The following DNAJC8 variants were observed in gnomAD, a reference collection of about 807,000 sequenced individuals.
The protein encoded by DNAJC8 is DnaJ heat shock protein family (Hsp40) member C8, also known as dnaJ homolog subfamily C member 8.
A neutral mutation model predicts 43.2 loss-of-function variants in DNAJC8; 24 were observed. The observed-to-expected ratio is 0.56, with a 90% CI of 0.40 to 0.78. DNAJC8 has a LOEUF of 0.78. Ranked by LOEUF, DNAJC8 falls within the 30% of genes least tolerant of loss-of-function variation. The pLI, the probability that DNAJC8 is intolerant of heterozygous loss-of-function variation, is 0.00. For synonymous variants in DNAJC8, 83 were observed against 98.0 expected (o/e 0.85, Z 0.90); for missense variants, 207 against 299.4 (o/e 0.69, Z 2.28).
chr1:28,212,324 G>C (rs1646820749), intron 3 of DNAJC8, among the ~76,000 whole-genome samples: 1 of 139,358 alleles, frequency 7.2e-6, no homozygotes, highest in Admixed American at 7.3e-5. Context: ...ATCCAGGCTG[G>C]AGTGCAATGG....
At chr1:28,211,710 G>A (rs920010312) in intron 3 of DNAJC8, among the ~76,000 whole-genome samples, 1 of 152,170 alleles carries the variant, frequency 6.6e-6, no homozygotes, top group East Asian at 1.9e-4. Context: ...GATGATCGTA[G>A]GGAATTAGCC....
chr1:28,212,117 C>T (rs1646814328), intron 3 of DNAJC8, among the ~76,000 whole-genome samples: 1 of 141,864 alleles, frequency 7.0e-6, no homozygotes, highest in Admixed American at 7.6e-5. Flanking sequence ...GATCGCAACA[C>T]TGTACTGCAA....
chr1:28,201,450 C>T, intron 8 of DNAJC8, 80 bp from the exon 9 acceptor site: 1 of 1,590,262 alleles, frequency 6.3e-7, no homozygotes, highest in South Asian at 1.1e-5. Flanking sequence ...TCCACTCACC[C>T]TCCTGTAGCC....
intron 1 of DNAJC8, 81 bp downstream of exon 1, chr1:28,232,840 G>A (rs1213131020): frequency 5.4e-6 from 8 of 1,482,826 alleles, no homozygotes; most frequent in Non-Finnish European, 7.4e-6. Context: ...GTCCAGGCCA[G>A]GCGGCCACTG....
intron 6 of DNAJC8, 129 bp downstream of exon 6, chr1:28,208,213 A>G: frequency 1.7e-6 from 1 of 584,232 alleles, no homozygotes; most frequent in Non-Finnish European, 2.7e-6. Flanking sequence ...TCTCAAAAAT[A>G]ATAAATAAAT....
intron 1 of DNAJC8, among the ~76,000 whole-genome samples, 195 bp downstream of exon 1, chr1:28,232,726 C>T (rs1006063190): frequency 6.6e-6 from 1 of 152,198 alleles, no homozygotes. Context: ...ACCATTCCCT[C>T]TTTCGTTGCC....
chr1:28,208,486 A>G, intron 5 of DNAJC8, 73 bp from the exon 6 acceptor site: 1 of 1,054,858 alleles, frequency 9.5e-7, no homozygotes, highest in Non-Finnish European at 1.4e-6. Context: ...GTACACATAC[A>G]ATATATTTAA....
At chr1:28,215,559 T>TG (rs936825609) in intron 2 of DNAJC8, among the ~76,000 whole-genome samples, 12 of 151,596 alleles carry the variant, frequency 7.9e-5, no homozygotes, top group South Asian at 2.1e-4. Context: ...TTTTTTGAGA[T>TG]GGAGTCTCGC....
In DNAJC8 at chr1:28,227,608, A is replaced by C. The variant is rs538298854; in HGVS notation, c.180+1314T>G. Among the ~76,000 whole-genome samples, 4 of 152,092 alleles carry C rather than the reference A, an allele frequency of 2.6e-5. No homozygotes were observed. The East Asian group carries it at 5.8e-4, about 22-fold the overall frequency. The stretch of plus-strand genomic sequence containing the variant: ...CTGTCTCAAAAAAATAAAATAAAAT[A>C]AAATCGTATTGAGCTGAGCCAGGTG... On this transcript the variant is annotated intron_variant, in intron 2 of 8. Transcript: ENST00000263697.
chr1:28,200,677 G>A lies in DNAJC8; in HGVS notation c.*571C>T, dbSNP rs560291622. 2.2e-6 allele frequency: 1 copy of A among 454,692 alleles called. No homozygotes were observed. The highest frequency in any genetic ancestry group is 6.9e-5 in the East Asian group (1 of 14,402). The allele number at this position is 454,692 out of a possible 1,614,324, so 28.2% of individuals were successfully genotyped here. On this transcript the variant is annotated 3_prime_UTR_variant, in exon 9 of 9. Coordinates refer to ENST00000263697, the MANE Select transcript of DNAJC8 (RefSeq NM_014280.3). Reference sequence around the variant, plus strand: ...GGAAAGTGAAAGGTTTGGGTGGCGTGGGCCTCATGCCACACTGATTGGTCA... The same window carrying A: ...GGAAAGTGAAAGGTTTGGGTGGCGTAGGCCTCATGCCACACTGATTGGTCA...
chr1:28,219,471 T>A (rs936130003), intron 2 of DNAJC8, among the ~76,000 whole-genome samples: 3 of 152,186 alleles, frequency 2.0e-5, no homozygotes, highest in Non-Finnish European at 4.4e-5. Flanking sequence ...ATCGTGCCAC[T>A]GCACTCCAGC....
chr1:28,223,306 G>A (rs978152257), intron 2 of DNAJC8, among the ~76,000 whole-genome samples: 4 of 152,132 alleles, frequency 2.6e-5, no homozygotes, highest in Admixed American at 6.5e-5. Context: ...CCTACTCAGC[G>A]GGGAGGATCA....
intron 2 of DNAJC8, among the ~76,000 whole-genome samples, chr1:28,217,847 G>A (rs1439514004): frequency 6.6e-6 from 1 of 151,828 alleles, no homozygotes; most frequent in African/African-American, 2.4e-5. Flanking sequence ...ATTTTGCTGT[G>A]TGTATTTGGG....
rs1348360298 is a variant in DNAJC8 at position 28,201,251 on chromosome 1, C to T, written c.759G>A (p.Glu253=). 2 of 1,611,968 alleles carry T rather than the reference C, an allele frequency of 1.2e-6. No homozygotes were observed. Among genetic ancestry groups the T allele is most frequent in the African/African-American group, 2.7e-5 (2 of 74,826 alleles). ...RPPKVKMEQR[E] ...CTGTGCCTGTGACCTTGGGCGGTCA[C>T]TCACGTTGCTCCATTTTTACTTTCG... is the stretch of plus-strand genomic sequence containing the variant. Residue 253 remains glutamate, a synonymous_variant, in exon 9 of 9, where the codon GAG becomes GAA. Transcript: ENST00000263697.
intron 2 of DNAJC8, among the ~76,000 whole-genome samples, chr1:28,226,132 T>C (rs1646932493): frequency 6.6e-6 from 1 of 151,446 alleles, no homozygotes; most frequent in Non-Finnish European, 1.5e-5. Flanking sequence ...TTCAAAATTA[T>C]TTGTAAATGT....
chr1:28,217,134 A>ATT (rs764232009), intron 2 of DNAJC8, among the ~76,000 whole-genome samples: 2 of 136,574 alleles, frequency 1.5e-5, no homozygotes. Flanking sequence ...TAAACAAATA[A>ATT]TTTTTTTTTT....
rs1390471970 is a variant in DNAJC8 at position 28,229,110 on chromosome 1, C to A, written c.79-87G>T. ...ACAAAATGTTCACTGATATGTTCAA[C>A]AAACATTTATTTGTGTGTTTACCAT... On this transcript the variant is annotated intron_variant, in intron 1 of 8. Coordinates refer to ENST00000263697, the MANE Select transcript of DNAJC8 (RefSeq NM_014280.3). 9.0e-6 allele frequency: 10 copies of A among 1,113,216 alleles called. No individual in the cohort carries two copies. The South Asian group carries it at 1.3e-4, about 14-fold the overall frequency. 69.0% of individuals were successfully genotyped at this position (1,113,216 alleles called of 1,614,324 possible).
intron 2 of DNAJC8, among the ~76,000 whole-genome samples, chr1:28,224,327 G>T (rs1646919078): frequency 6.6e-6 from 1 of 152,136 alleles, no homozygotes; most frequent in Non-Finnish European, 1.5e-5. Flanking sequence ...GAGTGCAATG[G>T]TGCAATCTCG....
At chr1:28,210,096 C>G in intron 4 of DNAJC8, 30 bp from the exon 5 acceptor site, 1 of 1,590,882 alleles carries the variant, frequency 6.3e-7, no homozygotes, top group East Asian at 2.2e-5. Flanking sequence ...TTAACTGTTT[C>G]TGCAAACACC....
Sources: gnomAD v4.1 joint callset for allele counts (sites outside exome capture counted in the v4.1 genomes callset) on GRCh38, gnomAD v4.1.1 for gene constraint, MANE v1.5 for transcripts, NCBI Gene and HGNC (gene_info 2026-07-23, HGNC 2026-07-21) for gene names.